Variants in KALRN observed in about 807,000 individuals in gnomAD.
KALRN encodes the protein kalirin RhoGEF kinase, also known as kalirin.
In KALRN, 70 loss-of-function variants were observed where a neutral mutation model predicts 353.7. The observed-to-expected ratio is 0.20, with a 90% confidence interval of 0.16 to 0.24. The LOEUF is 0.24. Among genes scored for constraint, KALRN ranks in the 10% least tolerant of loss-of-function variants. The probability of loss-of-function intolerance (pLI) is 1.00; values close to 1 mark genes in which losing one functional copy is unlikely to be tolerated. For synonymous variants in KALRN, 1,391 were observed against 1,434.8 expected (o/e 0.97, Z 0.69); for missense variants, 2,791 against 3,756.7 (o/e 0.74, Z 6.72).
intron 1 of KALRN, among the ~76,000 whole-genome samples, chr3:124,109,163 C>T (rs368701773): frequency 7.2e-5 from 11 of 152,056 alleles, no homozygotes; most frequent in African/African-American, 2.4e-4. Flanking sequence ...TGTTGTAGTT[C>T]GTCATTTTTG....
intron 3 of KALRN, among the ~76,000 whole-genome samples, 198 bp from the exon 4 acceptor site, chr3:124,264,300 G>C (rs1271051206): frequency 2.0e-5 from 3 of 152,216 alleles, no homozygotes; most frequent in African/African-American, 7.2e-5. Flanking sequence ...AGAATGCCAG[G>C]ACCATTGGTC....
Position 124,666,507 on chromosome 3 carries a change from T to C in KALRN, c.6404T>C (p.Leu2135Pro), listed in dbSNP as rs750279317. 6.2e-7 allele frequency: 1 copy of C among 1,614,088 alleles called. No homozygotes were observed. Among genetic ancestry groups the C allele is most frequent in the South Asian group, 1.1e-5 (1 of 91,070 alleles). Residue 2135 changes from leucine to proline, a missense_variant, in exon 46 of 60, where the codon CTG becomes CCG. Around this residue, in one of 11 missense-constraint regions of KALRN, gnomAD observed 1,065 missense variants for 1,156.4 expected, o/e 0.92. Transcript: ENST00000682506. ...CAGGACACATTCTATGTGATCGAGC[T>C]GGATGCAGGCATGCAGTCCCGGACC... is the stretch of plus-strand genomic sequence containing the variant. Reference protein sequence around the residue: ...LQQDTFYVIELDAGMQSRTKE... With the variant: ...LQQDTFYVIEPDAGMQSRTKE...
intron 1 of KALRN, among the ~76,000 whole-genome samples, chr3:124,051,085 A>T (rs1051769071): frequency 1.3e-5 from 2 of 152,222 alleles, no homozygotes; most frequent in African/African-American, 4.8e-5. Flanking sequence ...TCGGGATTCC[A>T]TGTATATACA....
At chr3:124,151,864 G>C in intron 1 of KALRN, 1 of 489,630 alleles carries the variant, frequency 2.0e-6, no homozygotes, top group Non-Finnish European at 3.6e-6. Context: ...AGTGTACGGT[G>C]AGAAAGAGAG....
chr3:124,183,216 T>C (rs2073836220), intron 1 of KALRN, among the ~76,000 whole-genome samples: 2 of 152,192 alleles, frequency 1.3e-5, no homozygotes, highest in South Asian at 2.1e-4. Context: ...TTTAATTAAT[T>C]ACTGGGCAAT....
At chr3:124,474,011 G>A (rs1009446027) in intron 25 of KALRN, among the ~76,000 whole-genome samples, 8 of 152,150 alleles carry the variant, frequency 5.3e-5, no homozygotes, top group African/African-American at 1.9e-4. Context: ...TGAAGTCAGT[G>A]TAATTATTTC....
chr3:124,668,473 T>C (rs1487191252), intron 47 of KALRN, among the ~76,000 whole-genome samples: 1 of 152,258 alleles, frequency 6.6e-6, no homozygotes, highest in Non-Finnish European at 1.5e-5. Flanking sequence ...GCAGGACACC[T>C]GGCATCCTCC....
rs1045631727 is a variant in KALRN at position 124,693,192 on chromosome 3, A to G, written c.7378-612A>G. 4.6e-5 allele frequency among the ~76,000 whole-genome samples: 7 copies of G among 152,298 alleles called. No individual in the cohort carries two copies. In the Middle Eastern group the frequency reaches 0.01, roughly 222 times the overall value. ...AAGTTGCCCCATGCAGGCCTGGGCT[A>G]TAGGAGATCATGCTTGAGAAAGAAG... On this transcript the variant is annotated intron_variant, in intron 51 of 59. Transcript: ENST00000682506.
intron 1 of KALRN, among the ~76,000 whole-genome samples, chr3:124,097,765 G>A (rs1345138082): frequency 6.6e-6 from 1 of 152,164 alleles, no homozygotes; most frequent in East Asian, 1.9e-4. Flanking sequence ...TTGTTTCTAG[G>A]GCTATACTTA....
chr3:124,375,451 GC>G (rs1448528499), intron 10 of KALRN, among the ~76,000 whole-genome samples: 1 of 152,158 alleles, frequency 6.6e-6, no homozygotes, highest in Non-Finnish European at 1.5e-5. Context: ...CCTAGGCCCA[GC>G]TTACAGCCCT....
At chr3:124,178,594 G>T (rs1234890026) in intron 1 of KALRN, among the ~76,000 whole-genome samples, 1 of 152,142 alleles carries the variant, frequency 6.6e-6, no homozygotes, top group African/African-American at 2.4e-5. Context: ...AAATATTCAT[G>T]TATCTAAACC....
Position 124,718,946 on chromosome 3 carries a change from C to G in KALRN, c.8437C>G (p.Leu2813Val), listed in dbSNP as rs926477357. 6.2e-7 allele frequency: 1 copy of G among 1,614,050 alleles called. No homozygotes were observed. The highest frequency in any genetic ancestry group is 1.3e-5 in the African/African-American group (1 of 74,920). Residue 2813 changes from leucine (L) to valine (V), a missense_variant, in exon 60 of 60, where the codon CTA (leucine) becomes GTA (valine). Physicochemically the swap from Leu to Val is conservative, Grantham distance 32. Coordinates refer to ENST00000682506, the MANE Select transcript of KALRN (RefSeq NM_001388419.1). ...GCAGCCTGAAAACCTGCTCATTGAC[C>G]TACGGATTCCAGTGCCTCGAGTGAA... ...DIKPENLLID[L>V]RIPVPRVKLI...
chr3:124,250,438 C>G (rs1201831920), intron 3 of KALRN, among the ~76,000 whole-genome samples: 1 of 152,146 alleles, frequency 6.6e-6, no homozygotes, highest in Admixed American at 6.5e-5. Context: ...TCGGGTGCAG[C>G]ACCTGAGTGG....
rs1161729092 is a variant in KALRN at position 124,033,629 on chromosome 3, G to C, written c.-112G>C. On this transcript the variant is annotated 5_prime_UTR_variant, in exon 1 of 60. Transcript: ENST00000682506. The surrounding 1 kb of genome is among the most constrained non-coding windows in gnomAD (Gnocchi z 6.2). ...CGCCCTCGAAGCTCCGCGGCCGCCA[G>C]CTCTGCGGCCGCAGCAGCTGCGCCC... Among the ~76,000 whole-genome samples, 1 of 151,702 alleles carries C rather than the reference G, an allele frequency of 6.6e-6. No individual in the cohort carries two copies. Among genetic ancestry groups the C allele is most frequent in the East Asian group, 2.0e-4 (1 of 5,104 alleles).
chr3:124,615,596 A>G (rs768379504), intron 34 of KALRN, among the ~76,000 whole-genome samples: 2 of 152,240 alleles, frequency 1.3e-5, no homozygotes, highest in African/African-American at 2.4e-5. Context: ...AAGAGTATAT[A>G]GGAATTATTT....
At position 124,440,132 on chromosome 3, in the gene KALRN, C is replaced by G. The variant is rs965443388; in HGVS notation, c.3198+1095C>G. On this transcript the variant is annotated intron_variant, in intron 18 of 59. Transcript: ENST00000682506. Reference sequence around the variant, plus strand: ...ATGGGTCAGAACCTCTAGTAATCAGCTCTTACTAGTAAGACTAAATAGAAA... The same window carrying G: ...ATGGGTCAGAACCTCTAGTAATCAGGTCTTACTAGTAAGACTAAATAGAAA... Among the ~76,000 whole-genome samples the G allele has an allele frequency of 3.9e-5, 6 of 151,986 alleles. No individual in the cohort carries two copies. The South Asian group carries it at 1.2e-3, about 32-fold the overall frequency.
rs1259772811 is a variant in KALRN at position 124,671,840 on chromosome 3, C to A, written c.6884C>A (p.Ser2295Tyr). ...CTGCCTCCCCTGAAGATATCTACCT[C>A]CAATGGCAGTCCAGGGTTTGAATAC... ...PPLPPLKIST[S>Y]NGSPGFEYHQ... Residue 2295 changes from serine to tyrosine, a missense_variant, in exon 48 of 60, where the codon TCC (serine) becomes TAC (tyrosine). Ser to Tyr is a moderately radical substitution (Grantham distance 144). Coordinates refer to ENST00000682506, the MANE Select transcript of KALRN (RefSeq NM_001388419.1). 1 of 1,614,072 alleles carries A rather than the reference C, an allele frequency of 6.2e-7. No homozygotes were observed. Among genetic ancestry groups the A allele is most frequent in the African/African-American group, 1.3e-5 (1 of 74,938 alleles).
At chr3:124,471,730 G>A (rs1266379619) in intron 25 of KALRN, among the ~76,000 whole-genome samples, 4 of 151,890 alleles carry the variant, frequency 2.6e-5, no homozygotes, top group African/African-American at 7.3e-5. Context: ...TTGGGAGGCC[G>A]AGGTGGGCGG....
At chr3:124,168,912 C>A (rs1230342158) in intron 1 of KALRN, among the ~76,000 whole-genome samples, 2 of 152,082 alleles carry the variant, frequency 1.3e-5, no homozygotes, top group Non-Finnish European at 2.9e-5. Context: ...GAACCAGTGA[C>A]AAAGGCACAT....
Sources: allele counts gnomAD v4.1 joint callset (sites outside exome capture counted in the v4.1 genomes callset), GRCh38; gene constraint gnomAD v4.1.1; regional missense constraint gnomAD v4.1.1; non-coding constraint Gnocchi (gnomAD v3.1); transcripts MANE v1.5; gene names NCBI Gene and HGNC (gene_info 2026-07-23, HGNC 2026-07-21).